The following TTC39A variants were observed in gnomAD, a reference collection of about 807,000 sequenced individuals.
TTC39A encodes tetratricopeptide repeat protein 39A.
A neutral mutation model predicts 82.3 loss-of-function variants in TTC39A; 46 were observed. The ratio of observed to expected loss-of-function variants is 0.56; its 90% confidence interval spans 0.44 to 0.71. TTC39A has a LOEUF of 0.71. TTC39A is among the 30% of genes least tolerant of loss of function. TTC39A has a pLI of 0.00. For synonymous variants in TTC39A, 254 were observed against 275.2 expected (o/e 0.92, Z 0.76); for missense variants, 543 against 712.9 (o/e 0.76, Z 2.71).
intron 6 of TTC39A, 26 bp downstream of exon 6, chr1:51,309,235 A>AGC (rs1364004230): frequency 1.3e-6 from 2 of 1,589,042 alleles, no homozygotes; most frequent in African/African-American, 2.7e-5. Flanking sequence ...GGGTCTCCCC[A>AGC]CAAGCGGATG....
At chr1:51,317,507 G>A (rs1217246920) in intron 2 of TTC39A, among the ~76,000 whole-genome samples, 1 of 152,264 alleles carries the variant, frequency 6.6e-6, no homozygotes, top group Non-Finnish European at 1.5e-5. Context: ...CCAGCACTGT[G>A]GGAGGCCAAG....
chr1:51,305,909 T>G, intron 7 of TTC39A, 68 bp downstream of exon 7: 2 of 1,486,482 alleles, frequency 1.3e-6, no homozygotes, highest in Non-Finnish European at 1.9e-6. Flanking sequence ...TGACCACACA[T>G]GAGTCAGGGA....
At chr1:51,298,959 G>C (rs1297004458) in intron 12 of TTC39A, 1 of 152,292 alleles carries the variant, frequency 6.6e-6, no homozygotes, top group Non-Finnish European at 1.5e-5. Context: ...GAAACACAAA[G>C]GCCTCCACAG....
intron 1 of TTC39A, among the ~76,000 whole-genome samples, chr1:51,325,209 G>A (rs188035578): frequency 1.4e-3 from 204 of 149,868 alleles, no homozygotes; most frequent in African/African-American, 4.7e-3. Context: ...AGCAGAGATC[G>A]CACCATTACA....
At chr1:51,301,789 C>CA (rs1330409144) in intron 11 of TTC39A, 56 bp from the exon 12 acceptor site, 3 of 1,570,630 alleles carry the variant, frequency 1.9e-6, no homozygotes, top group Non-Finnish European at 1.7e-6. Flanking sequence ...AACCCCTCTG[C>CA]ATCCTCCGAA....
chr1:51,290,495 A>T lies in TTC39A; in HGVS notation c.1378+19T>A, dbSNP rs373393772. On this transcript the variant is annotated intron_variant, in intron 15 of 17. Coordinates refer to ENST00000680483, the MANE Select transcript of TTC39A (RefSeq NM_001297663.2). ...GACCTGACCTAGCATGGCAGGCCCAAGGGCCTGAGGGAAGTCACCTGGGCC... is the reference window on the plus strand; with the variant it reads ...GACCTGACCTAGCATGGCAGGCCCATGGGCCTGAGGGAAGTCACCTGGGCC... 6.2e-7 allele frequency: 1 copy of T among 1,600,770 alleles called. No homozygotes were observed. Among genetic ancestry groups the T allele is most frequent in the Non-Finnish European group, 8.5e-7 (1 of 1,169,750 alleles).
chr1:51,322,162 T>G lies in TTC39A; in HGVS notation c.42-337A>C, dbSNP rs185509210. 7.0e-4 allele frequency: 1,081 copies of G among 1,549,680 alleles called. 6 individuals are homozygous for G. The African/African-American group carries it at 0.013, about 18-fold the overall frequency. On this transcript the variant is annotated intron_variant, in intron 1 of 17. Transcript: ENST00000680483. The stretch of plus-strand genomic sequence containing the variant: ...AGTCTTTGTGGCCCTTCTGGCCCAT[T>G]GGGCTCTGCTGCCCCCCCAGGGGGT...
intron 7 of TTC39A, 95 bp downstream of exon 7, chr1:51,305,882 G>A: frequency 8.1e-7 from 1 of 1,240,438 alleles, no homozygotes; most frequent in East Asian, 2.3e-5. Context: ...ACAGCCAGGT[G>A]CAGGGGCACT....
upstream of TTC39A, chr1:51,331,806 A>G (rs117149733): frequency 1.6e-3 from 1,529 of 985,468 alleles, 40 homozygotes; most frequent in East Asian, 0.077. Context: ...GCAACTATAA[A>G]GAATCCAGAC....
intron 2 of TTC39A, among the ~76,000 whole-genome samples, chr1:51,319,840 G>A (rs1386868011): frequency 2.0e-5 from 3 of 151,748 alleles, no homozygotes; most frequent in Non-Finnish European, 4.4e-5. Context: ...ACAGGCACTC[G>A]CCACCATGCC....
rs377680969 is a variant in TTC39A at position 51,312,138 on chromosome 1, C to T, written c.336G>A (p.Thr112=). 77 of 1,611,552 alleles carry T rather than the reference C, an allele frequency of 4.8e-5. No individual in the cohort carries two copies. The African/African-American group carries it at 8.7e-4, about 18-fold the overall frequency. The change falls in exon 4 of 18, where the codon ACG becomes ACA. Residue 112 remains threonine (T), a synonymous_variant. Coordinates refer to ENST00000680483, the MANE Select transcript of TTC39A (RefSeq NM_001297663.2). The part of the protein sequence containing the change: ...DSFSSLVNRP[T]LGQFTEEEIH... ...CCACACCTTCAGTGAATTGGCCCAG[C>T]GTGGGGCGGTTCACCAGGCTGCTGA... is the stretch of plus-strand genomic sequence containing the variant.
intron 1 of TTC39A, among the ~76,000 whole-genome samples, chr1:51,337,136 G>A (rs146148163): frequency 6.6e-6 from 1 of 152,280 alleles, no homozygotes; most frequent in African/African-American, 2.4e-5. Flanking sequence ...GGCTCCGCAT[G>A]TTCCTCAGTG....
chr1:51,290,132 A>C lies in TTC39A; in HGVS notation c.1379-13T>G. The stretch of plus-strand genomic sequence containing the variant: ...GAGTACTCGTTCTCTGAAAATAGGG[A>C]TGTGAGGGAAAAAGACAGACTTGTT... On this transcript the variant is annotated splice_polypyrimidine_tract_variant and intron_variant, in intron 15 of 17. Transcript: ENST00000680483. The C allele has an allele frequency of 1.2e-6, 2 of 1,608,992 alleles. No individual in the cohort carries two copies. The highest frequency in any genetic ancestry group is 1.7e-6 in the Non-Finnish European group (2 of 1,177,110).
In TTC39A at chr1:51,294,368, G is replaced by T. The variant is rs377080448; in HGVS notation, c.1266+23C>A. The stretch of plus-strand genomic sequence containing the variant: ...CACAATCCTATACCCGGAGGGCAGC[G>T]CCAGTCCAGACCTCCTACCCACCAG... On this transcript the variant is annotated intron_variant, in intron 14 of 17. Transcript: ENST00000680483. This position sits in a 1 kb window ranked among gnomAD's most constrained non-coding sequence, Gnocchi z 4.3. 1 of 1,613,776 alleles carries T rather than the reference G, an allele frequency of 6.2e-7. No homozygotes were observed. The highest frequency in any genetic ancestry group is 8.5e-7 in the Non-Finnish European group (1 of 1,179,834).
chr1:51,303,276 C>T (rs550239362), intron 8 of TTC39A, 84 bp from the exon 9 acceptor site: 14 of 1,226,534 alleles, frequency 1.1e-5, no homozygotes, highest in African/African-American at 4.5e-5. Context: ...GCAGTGCTGC[C>T]GGCACAGGGG....
At chr1:51,324,780 G>A (rs916850010) in intron 1 of TTC39A, among the ~76,000 whole-genome samples, 42 of 151,928 alleles carry the variant, frequency 2.8e-4, no homozygotes, top group Admixed American at 2.2e-3. Flanking sequence ...TGATCCACCC[G>A]CCTCAGCCTC....
chr1:51,299,802 T>G (rs1644581805), intron 12 of TTC39A: 1 of 152,432 alleles, frequency 6.6e-6, no homozygotes, highest in Non-Finnish European at 1.5e-5. Context: ...CGAGAGTCAC[T>G]TTCAGTTCAA....
intron 1 of TTC39A, chr1:51,322,157 C>T: frequency 1.3e-6 from 2 of 1,550,636 alleles, no homozygotes; most frequent in Middle Eastern, 1.7e-4. Context: ...GCCCTTCTGG[C>T]CCATTGGGCT....
rs1360487127 is a variant in TTC39A, at chr1:51,338,210, G to A, written c.53+6781C>T. Among the ~76,000 whole-genome samples, 3 of 152,314 alleles carry A rather than the reference G, an allele frequency of 2.0e-5. No homozygotes were observed. In the South Asian group the frequency reaches 6.2e-4, roughly 32 times the overall value. On this transcript the variant is annotated intron_variant, in intron 1 of 5. Transcript: ENST00000401051. Reference sequence around the variant, plus strand: ...AGAGATACTGAAGCCATTTCTGGGGGAGGCAGTACAATATACTGCTGGGAA... The same window carrying A: ...AGAGATACTGAAGCCATTTCTGGGGAAGGCAGTACAATATACTGCTGGGAA...
Sources: allele counts gnomAD v4.1 joint callset (sites outside exome capture counted in the v4.1 genomes callset), GRCh38; gene constraint gnomAD v4.1.1; non-coding constraint Gnocchi (gnomAD v3.1); transcripts MANE v1.5; gene names NCBI Gene and HGNC (gene_info 2026-07-23, HGNC 2026-07-21).